The following CPNE4 variants were observed in gnomAD, a reference collection of about 807,000 sequenced individuals.
The protein encoded by CPNE4 is copine 4, also known as copine-4.
CPNE4 carries 25 observed loss-of-function variants against 67.9 expected under a neutral mutation model. The observed-to-expected ratio is 0.37, with a 90% CI of 0.27 to 0.51. The LOEUF (loss-of-function observed/expected upper bound fraction) is 0.51. CPNE4 is among the 20% of genes least tolerant of loss of function. The probability of loss-of-function intolerance (pLI) is 0.93; values close to 1 mark genes in which losing one functional copy is unlikely to be tolerated. For missense variants in CPNE4, 464 were observed against 690.8 expected (o/e 0.67, Z 3.68); for synonymous variants, 242 against 244.9 (o/e 0.99, Z 0.11).
intron 1 of CPNE4, among the ~76,000 whole-genome samples, chr3:131,974,298 T>A (rs2072584886): frequency 6.6e-6 from 1 of 152,238 alleles, no homozygotes; most frequent in South Asian, 2.1e-4. Flanking sequence ...TGTGTACATA[T>A]GTGTTATGTG....
intron 1 of CPNE4, among the ~76,000 whole-genome samples, chr3:131,981,157 GTGCTGGT>G (rs1338312193): frequency 4.6e-5 from 7 of 152,242 alleles, no homozygotes; most frequent in African/African-American, 1.7e-4. Flanking sequence ...CTTTATTTTT[GTGCTGGT>G]TGGCCTCCTG....
chr3:131,950,144 C>A (rs2071679944), intron 1 of CPNE4, among the ~76,000 whole-genome samples: 1 of 152,180 alleles, frequency 6.6e-6, no homozygotes, highest in Non-Finnish European at 1.5e-5. Flanking sequence ...CCCCTAAAAA[C>A]TTCTGGTCAC....
intron 15 of CPNE4, among the ~76,000 whole-genome samples, chr3:131,536,749 C>G (rs1410289429): frequency 6.6e-6 from 1 of 152,202 alleles, no homozygotes; most frequent in East Asian, 1.9e-4. Flanking sequence ...CATTTGTGAT[C>G]TACAGATATC....
intron 1 of CPNE4, among the ~76,000 whole-genome samples, chr3:131,920,677 CG>C (rs1411543000): frequency 1.3e-5 from 2 of 151,772 alleles, no homozygotes; most frequent in African/African-American, 2.4e-5. Context: ...AAAAAATCTC[CG>C]GAACCAGGAA....
chr3:131,573,151 A>G (rs1010656577), intron 10 of CPNE4, among the ~76,000 whole-genome samples: 4 of 152,026 alleles, frequency 2.6e-5, no homozygotes, highest in East Asian at 1.9e-4. Flanking sequence ...TGAGTCCCCA[A>G]CCTGAAACCC....
intron 5 of CPNE4, among the ~76,000 whole-genome samples, chr3:131,694,756 G>C (rs78692099): frequency 0.12 from 17,592 of 152,212 alleles, 1,107 homozygotes; most frequent in African/African-American, 0.13. Context: ...TCTCATGTGC[G>C]AGGCATGTGC....
intron 3 of CPNE4, among the ~76,000 whole-genome samples, chr3:131,722,042 A>C (rs1310795962): frequency 2.0e-5 from 3 of 152,232 alleles, no homozygotes; most frequent in Non-Finnish European, 1.5e-5. Flanking sequence ...TAAGAAAATT[A>C]ATCACTATAT....
intron 9 of CPNE4, among the ~76,000 whole-genome samples, chr3:131,577,053 G>A (rs542691349): frequency 5.8e-4 from 88 of 151,898 alleles, no homozygotes; most frequent in African/African-American, 2.1e-3. Context: ...AAGGCCCAAA[G>A]TTGTCAAAGC....
chr3:131,640,195 A>C (rs1582940176), intron 7 of CPNE4, among the ~76,000 whole-genome samples: 1 of 152,288 alleles, frequency 6.6e-6, no homozygotes, highest in East Asian at 1.9e-4. Flanking sequence ...AGGGCATCCA[A>C]ATCAGTAAAG....
intron 7 of CPNE4, among the ~76,000 whole-genome samples, chr3:131,617,183 T>C (rs1221046018): frequency 6.6e-6 from 1 of 152,212 alleles, no homozygotes; most frequent in Non-Finnish European, 1.5e-5. Flanking sequence ...CATTCCACTC[T>C]TACCCTCTAA....
At chr3:131,631,788 G>T (rs1487651772) in intron 7 of CPNE4, among the ~76,000 whole-genome samples, 4 of 151,926 alleles carry the variant, frequency 2.6e-5, no homozygotes, top group Non-Finnish European at 5.9e-5. Flanking sequence ...AACTGGAGAT[G>T]AATGGGAGAG....
At chr3:131,609,644 A>G (rs1432427924) in intron 7 of CPNE4, among the ~76,000 whole-genome samples, 2 of 152,222 alleles carry the variant, frequency 1.3e-5, no homozygotes, top group Admixed American at 6.5e-5. Flanking sequence ...TAAAAAATAC[A>G]TGTTAAATGA....
At chr3:131,974,748 A>G (rs77734777) in intron 1 of CPNE4, among the ~76,000 whole-genome samples, 7,413 of 152,184 alleles carry the variant, frequency 0.049, 189 homozygotes, top group East Asian at 0.092. Context: ...TGGCTCACGT[A>G]TGTAATCCTA....
At chr3:131,773,351 A>ATTTATTTAT (rs1553768675) in intron 2 of CPNE4, among the ~76,000 whole-genome samples, 1 of 151,284 alleles carries the variant, frequency 6.6e-6, no homozygotes, top group Non-Finnish European at 1.5e-5. Context: ...AGTTTTATTT[A>ATTTATTTAT]TTATTTATTT....
intron 1 of CPNE4, among the ~76,000 whole-genome samples, chr3:132,025,087 C>CA (rs1343893870): frequency 7.2e-5 from 11 of 152,160 alleles, no homozygotes; most frequent in Non-Finnish European, 1.3e-4. Context: ...ACAAGCCCTC[C>CA]AGGAGATTCG....
chr3:131,888,464 T>C (rs1047183976), intron 2 of CPNE4, among the ~76,000 whole-genome samples: 11 of 152,120 alleles, frequency 7.2e-5, no homozygotes, highest in Non-Finnish European at 1.0e-4. Context: ...AAATATAGTA[T>C]TTGAAAACAG....
chr3:131,969,793 T>C (rs1030416217), intron 1 of CPNE4, among the ~76,000 whole-genome samples: 21 of 152,328 alleles, frequency 1.4e-4, no homozygotes, highest in South Asian at 6.2e-4. Context: ...TCATGTCAAA[T>C]AAAACAAAAC....
intron 8 of CPNE4, among the ~76,000 whole-genome samples, chr3:131,585,053 C>T (rs997639518): frequency 6.6e-6 from 1 of 152,180 alleles, no homozygotes; most frequent in Non-Finnish European, 1.5e-5. Flanking sequence ...GTACTTTGCA[C>T]TACTATTCCT....
intron 2 of CPNE4, among the ~76,000 whole-genome samples, chr3:131,763,786 T>C (rs2082946707): frequency 6.6e-6 from 1 of 152,128 alleles, no homozygotes; most frequent in African/African-American, 2.4e-5. Context: ...TGTTCTTTGA[T>C]CAAGCAACTT....
Sources: allele counts gnomAD v4.1 joint callset (sites outside exome capture counted in the v4.1 genomes callset), GRCh38; gene constraint gnomAD v4.1.1; transcripts MANE v1.5; gene names NCBI Gene and HGNC (gene_info 2026-07-23, HGNC 2026-07-21).